NBEA: variants seen among roughly 807,000 people sequenced by gnomAD.
NBEA encodes lysosomal-trafficking regulator 2.
Under a neutral mutation model 343.4 loss-of-function variants are expected in NBEA, and 44 were observed. The ratio of observed to expected loss-of-function variants is 0.13; its 90% CI spans 0.10 to 0.16. The LOEUF is 0.16. NBEA is among the 10% of genes least tolerant of loss of function. NBEA has a pLI of 1.00. For synonymous variants in NBEA, 1,175 were observed against 1,238.7 expected, an observed-to-expected ratio of 0.95 and a Z score of 1.08; for missense variants, 2,555 against 3,631.3, an observed-to-expected ratio of 0.70 and a Z score of 7.62.
At chr13:34,943,793 T>C (rs532005415) in intron 1 of NBEA, among the ~76,000 whole-genome samples, 208 of 152,312 alleles carry the variant, frequency 1.4e-3, no homozygotes, top group Non-Finnish European at 2.6e-3. Context: ...GGACACCAAA[T>C]CACACAGGTT....
chr13:35,369,027 T>C (rs1350158863), intron 38 of NBEA, among the ~76,000 whole-genome samples: 2 of 151,790 alleles, frequency 1.3e-5, no homozygotes, highest in South Asian at 2.1e-4. Flanking sequence ...CTGCATTTTC[T>C]TGTAGTCATT....
chr13:35,317,170 C>T (rs891624197), intron 36 of NBEA, among the ~76,000 whole-genome samples: 5 of 152,082 alleles, frequency 3.3e-5, no homozygotes, highest in Admixed American at 2.0e-4. Context: ...GTGTTTTAGT[C>T]GTGAAGTCTT....
intron 49 of NBEA, among the ~76,000 whole-genome samples, chr13:35,631,895 A>C (rs1405618754): frequency 6.6e-6 from 1 of 152,200 alleles, no homozygotes; most frequent in Non-Finnish European, 1.5e-5. Flanking sequence ...TGGCTGAGAA[A>C]ATTATGACAG....
intron 38 of NBEA, among the ~76,000 whole-genome samples, chr13:35,414,593 G>T (rs1323225321): frequency 6.6e-6 from 1 of 152,098 alleles, no homozygotes; most frequent in Non-Finnish European, 1.5e-5. Context: ...GTATTCCATG[G>T]TGTATATGTG....
chr13:35,135,043 A>T (rs2067640936), intron 17 of NBEA, among the ~76,000 whole-genome samples: 1 of 152,044 alleles, frequency 6.6e-6, no homozygotes, highest in South Asian at 2.1e-4. Flanking sequence ...CTTTTCCATC[A>T]ATTAAAAAAT....
At chr13:35,414,685 A>G (rs909077327) in intron 38 of NBEA, among the ~76,000 whole-genome samples, 1 of 152,200 alleles carries the variant, frequency 6.6e-6, no homozygotes, top group East Asian at 1.9e-4. Context: ...GTGCCACAAT[A>G]AACATACGTG....
intron 36 of NBEA, among the ~76,000 whole-genome samples, chr13:35,348,667 G>T (rs188536016): frequency 5.7e-4 from 87 of 151,818 alleles, no homozygotes; most frequent in African/African-American, 2.1e-3. Context: ...ATTTAACTGG[G>T]CATCCTATAT....
chr13:35,571,775 TATC>T (rs2080437553), intron 45 of NBEA, among the ~76,000 whole-genome samples: 1 of 152,182 alleles, frequency 6.6e-6, no homozygotes, highest in Admixed American at 6.5e-5. Flanking sequence ...AATTCTGTTT[TATC>T]ATCTATTTGA....
chr13:35,505,272 G>C (rs1361684034), intron 41 of NBEA, among the ~76,000 whole-genome samples: 1 of 152,116 alleles, frequency 6.6e-6, no homozygotes, highest in Non-Finnish European at 1.5e-5. Flanking sequence ...TTTGAGTTTA[G>C]ACCTATAAAT....
chr13:35,467,229 T>A (rs913259204), intron 40 of NBEA, among the ~76,000 whole-genome samples: 7 of 152,104 alleles, frequency 4.6e-5, no homozygotes, highest in African/African-American at 1.4e-4. Context: ...ATCCCAGCAC[T>A]GTGGGAGGCC....
chr13:35,327,674 G>A (rs117955073), intron 36 of NBEA, among the ~76,000 whole-genome samples: 4,511 of 151,872 alleles, frequency 0.03, 101 homozygotes, highest in Non-Finnish European at 0.045. Context: ...TATCTGTTGG[G>A]CATTCTCACT....
At chr13:35,278,849 A>C (rs902401680) in intron 34 of NBEA, among the ~76,000 whole-genome samples, 1 of 152,052 alleles carries the variant, frequency 6.6e-6, no homozygotes, top group African/African-American at 2.4e-5. Flanking sequence ...CATAGTGCTC[A>C]ACTTTCCCAT....
intron 1 of NBEA, among the ~76,000 whole-genome samples, chr13:35,010,736 A>AT: frequency 4.6e-5 from 1 of 21,618 alleles, no homozygotes; most frequent in African/African-American, 1.2e-4. Flanking sequence ...CAAAAAAAAA[A>AT]AAAAAATATA....
chr13:34,968,504 G>A (rs1203435323), intron 1 of NBEA, among the ~76,000 whole-genome samples: 1 of 152,070 alleles, frequency 6.6e-6, no homozygotes, highest in Non-Finnish European at 1.5e-5. Context: ...TTGAAGTTCT[G>A]TGCCAAGAAT....
intron 10 of NBEA, among the ~76,000 whole-genome samples, chr13:35,071,461 TA>T (rs921779303): frequency 6.6e-6 from 1 of 151,676 alleles, no homozygotes; most frequent in Non-Finnish European, 1.5e-5. Flanking sequence ...TCTCTTTTAT[TA>T]AAAAAAACCT....
intron 1 of NBEA, among the ~76,000 whole-genome samples, chr13:35,013,926 G>A (rs2061565973): frequency 6.6e-6 from 1 of 151,236 alleles, no homozygotes; most frequent in South Asian, 2.1e-4. Flanking sequence ...ATTAAATTCT[G>A]CTTTAACATG....
intron 45 of NBEA, among the ~76,000 whole-genome samples, chr13:35,568,800 T>G (rs1005147218): frequency 1.3e-5 from 2 of 152,190 alleles, no homozygotes; most frequent in Non-Finnish European, 2.9e-5. Flanking sequence ...CATCAGTGCT[T>G]AAAAACTTGG....
At chr13:35,028,812 A>G (rs1309979834) in intron 1 of NBEA, among the ~76,000 whole-genome samples, 1 of 150,776 alleles carries the variant, frequency 6.6e-6, no homozygotes, top group Admixed American at 6.6e-5. Flanking sequence ...ACTCTAATAT[A>G]CTTTCTTTCT....
intron 51 of NBEA, among the ~76,000 whole-genome samples, chr13:35,649,421 G>A (rs1018937899): frequency 1.3e-5 from 2 of 152,130 alleles, no homozygotes; most frequent in African/African-American, 4.8e-5. Context: ...TAATGATTCT[G>A]TGTCCCTGTA....
Sources: allele counts gnomAD v4.1 joint callset (sites outside exome capture counted in the v4.1 genomes callset), GRCh38; gene constraint gnomAD v4.1.1; transcripts MANE v1.5; gene names NCBI Gene and HGNC (gene_info 2026-07-23, HGNC 2026-07-21).